The following NKIRAS1 variants were observed in gnomAD, a reference collection of about 807,000 sequenced individuals.
NKIRAS1 encodes NFKB inhibitor interacting Ras like 1, also known as NF-kappa-B inhibitor-interacting Ras-like protein 1.
NKIRAS1 carries 16 observed loss-of-function variants against 19.8 expected under a neutral mutation model. The observed-to-expected ratio is 0.81, with a 90% confidence interval of 0.55 to 1.23. NKIRAS1 has a LOEUF of 1.23. Among genes scored for constraint, NKIRAS1 ranks in the 50% most tolerant of loss-of-function variants. NKIRAS1 has a pLI of 0.00. For synonymous variants in NKIRAS1, 88 were observed against 79.0 expected, an observed-to-expected ratio of 1.11 and a Z score of -0.61; for missense variants, 184 against 220.0, an observed-to-expected ratio of 0.84 and a Z score of 1.04.
intron 3 of NKIRAS1, among the ~76,000 whole-genome samples, chr3:23,901,264 C>T (rs529825814): frequency 4.6e-5 from 7 of 151,824 alleles, no homozygotes; most frequent in Admixed American, 1.3e-4. Flanking sequence ...CTACAACCTC[C>T]GCCACCTGGG....
chr3:23,902,697 T>C (rs866328492), intron 3 of NKIRAS1, among the ~76,000 whole-genome samples: 1 of 152,192 alleles, frequency 6.6e-6, no homozygotes, highest in Non-Finnish European at 1.5e-5. Flanking sequence ...AGTCTTCCAC[T>C]AGTTCTCTAG....
At chr3:23,942,401 C>A (rs1004352783) in intron 1 of NKIRAS1, among the ~76,000 whole-genome samples, 1 of 152,168 alleles carries the variant, frequency 6.6e-6, no homozygotes, top group Admixed American at 6.5e-5. Flanking sequence ...CGAACCTACA[C>A]TGATACATCA....
chr3:23,921,427 C>G (rs972376539), upstream of NKIRAS1, among the ~76,000 whole-genome samples: 1 of 152,188 alleles, frequency 6.6e-6, no homozygotes, highest in Non-Finnish European at 1.5e-5. Flanking sequence ...CAAACACTTC[C>G]TAATGCCTTT....
intron 1 of NKIRAS1, among the ~76,000 whole-genome samples, chr3:23,930,867 T>TA (rs1705302830): frequency 7.1e-6 from 1 of 141,406 alleles, no homozygotes; most frequent in African/African-American, 2.9e-5. Context: ...CATGTCCGGC[T>TA]GTTTTTTTTT....
In NKIRAS1 at chr3:23,893,172, G is replaced by C. The variant is rs1559499962; in HGVS notation, c.502C>G (p.Leu168Val). Reference protein sequence around the residue: ...IEPFTLLASKLSQPQSKSSFP... With the variant: ...IEPFTLLASKVSQPQSKSSFP... ...CTTGATTTGCTCTGGGGTTGAGAAA[G>C]TTTACTGGCTAATAAAGTGAATGGT... is the stretch of plus-strand genomic sequence containing the variant. The change falls in exon 5 of 5, where the codon CTT becomes GTT. Residue 168 changes from leucine to valine, a missense_variant. Transcript: ENST00000425478. 1 of 1,612,620 alleles carries C rather than the reference G, an allele frequency of 6.2e-7. No individual in the cohort carries two copies. The highest frequency in any genetic ancestry group is 8.5e-7 in the Non-Finnish European group (1 of 1,179,554).
In NKIRAS1 at chr3:23,891,598, T is replaced by C. The variant is rs1272119928; in HGVS notation, c.*1497A>G. ...GCTGTAGTAGCAAGTACATGAGAAA[T>C]GGGTTCCGTCATGGATAAATTGGTA... On this transcript the variant is annotated 3_prime_UTR_variant, in exon 5 of 5. Transcript: ENST00000425478. The C allele has an allele frequency of 6.6e-6, 1 of 152,204 alleles. No homozygotes were observed. Among genetic ancestry groups the C allele is most frequent in the African/African-American group, 2.4e-5 (1 of 41,444 alleles). 9.4% of individuals were successfully genotyped at this position (152,204 alleles called of 1,614,324 possible).
chr3:23,943,513 C>T (rs1705548574), intron 1 of NKIRAS1, among the ~76,000 whole-genome samples: 1 of 152,182 alleles, frequency 6.6e-6, no homozygotes, highest in Non-Finnish European at 1.5e-5. Context: ...TTACAGGCGT[C>T]AGCCCCCGCG....
rs1705237143 is a variant in NKIRAS1, at chr3:23,927,933, G to T, written c.-139-16483C>A. On this transcript the variant is annotated intron_variant, in intron 1 of 4. Coordinates refer to the NKIRAS1 transcript ENST00000421515. This position sits in a 1 kb window ranked among gnomAD's most constrained non-coding sequence, Gnocchi z 4.0. ...GTCTCTACAAAAGATTAAACAATTA[G>T]CCTGGTCTGGTGGTGCATGCCAGTA... 6.6e-6 allele frequency among the ~76,000 whole-genome samples: 1 copy of T among 151,832 alleles called. No individual in the cohort carries two copies. The highest frequency in any genetic ancestry group is 2.4e-5 in the African/African-American group (1 of 41,316).
At chr3:23,910,385 C>G (rs920746815) in intron 3 of NKIRAS1, among the ~76,000 whole-genome samples, 4 of 150,430 alleles carry the variant, frequency 2.7e-5, no homozygotes, top group South Asian at 4.2e-4. Flanking sequence ...GAACTCCTGA[C>G]ATCAGGTGAT....
At chr3:23,901,700 T>TA in intron 3 of NKIRAS1, among the ~76,000 whole-genome samples, 1 of 152,266 alleles carries the variant, frequency 6.6e-6, no homozygotes, top group African/African-American at 2.4e-5. Context: ...AGGGAGAAGA[T>TA]TAACATTCTT....
At chr3:23,935,052 CTTTTTA>C (rs1364683843) in intron 1 of NKIRAS1, among the ~76,000 whole-genome samples, 1 of 152,046 alleles carries the variant, frequency 6.6e-6, no homozygotes, top group Admixed American at 6.6e-5. Context: ...TTTCTCAGTT[CTTTTTA>C]TTTTTATTTT....
upstream of NKIRAS1, chr3:23,919,572 T>C (rs533444033): frequency 6.3e-6 from 9 of 1,437,708 alleles, no homozygotes; most frequent in South Asian, 3.0e-5. Flanking sequence ...ACAGGTGTTA[T>C]TTGTCTGTTA....
intron 1 of NKIRAS1, among the ~76,000 whole-genome samples, chr3:23,941,975 A>T (rs1375354015): frequency 5.7e-5 from 5 of 87,196 alleles, no homozygotes; most frequent in Non-Finnish European, 1.4e-4. Flanking sequence ...TTATTTACTT[A>T]TTTATTTATT....
At chr3:23,939,299 A>G (rs529321714) in intron 1 of NKIRAS1, among the ~76,000 whole-genome samples, 1 of 152,382 alleles carries the variant, frequency 6.6e-6, no homozygotes, top group Admixed American at 6.5e-5. Flanking sequence ...GGAAGGATGT[A>G]GATCAAGATA....
rs999649593 is a variant in NKIRAS1 at position 23,891,582 on chromosome 3, G to A, written c.*1513C>T. ...TTTCTGACTTGCAGATGCTGTAGTA[G>A]CAAGTACATGAGAAATGGGTTCCGT... is the stretch of plus-strand genomic sequence containing the variant. On this transcript the variant is annotated 3_prime_UTR_variant, in exon 5 of 5. Transcript: ENST00000425478. 1 of 152,158 alleles carries A rather than the reference G, an allele frequency of 6.6e-6. No homozygotes were observed. The highest frequency in any genetic ancestry group is 3.2e-3 in the Middle Eastern group (1 of 316). The allele number at this position is 152,158 out of a possible 1,614,324, so 9.4% of individuals were successfully genotyped here.
chr3:23,920,564 G>A, upstream of NKIRAS1: 1 of 985,166 alleles, frequency 1.0e-6, no homozygotes, highest in East Asian at 1.1e-4. Context: ...GTTGTCCAGG[G>A]TCAATTTGAG....
chr3:23,941,467 G>C (rs547178001), intron 1 of NKIRAS1, among the ~76,000 whole-genome samples: 103 of 152,324 alleles, frequency 6.8e-4, no homozygotes, highest in Non-Finnish European at 1.2e-3. Flanking sequence ...TGAAGACACA[G>C]TCACTTCATT....
At chr3:23,911,026 T>A (rs1217690236) in intron 2 of NKIRAS1, 105 bp from the exon 3 acceptor site, 4 of 824,050 alleles carry the variant, frequency 4.9e-6, no homozygotes, top group Non-Finnish European at 7.8e-6. Context: ...ACAGGGGAAA[T>A]TTTCAAATAC....
intron 1 of NKIRAS1, chr3:23,946,146 C>A: frequency 2.4e-5 from 24 of 985,198 alleles, no homozygotes; most frequent in Non-Finnish European, 2.9e-5. Flanking sequence ...GGGTTGCACA[C>A]TGCGGAGGAG....
Sources: allele counts gnomAD v4.1 joint callset (sites outside exome capture counted in the v4.1 genomes callset), GRCh38; gene constraint gnomAD v4.1.1; non-coding constraint Gnocchi (gnomAD v3.1); transcripts MANE v1.5; gene names NCBI Gene and HGNC (gene_info 2026-07-23, HGNC 2026-07-21).